ZNF536: variants seen among roughly 807,000 people sequenced by gnomAD.
The protein encoded by ZNF536 is zinc finger protein 536.
Under a neutral mutation model 84.5 loss-of-function variants are expected in ZNF536, and 13 were observed. The ratio of observed to expected loss-of-function variants is 0.15; its 90% confidence interval spans 0.10 to 0.24. The LOEUF (loss-of-function observed/expected upper bound fraction) is 0.24. ZNF536 is among the 10% of genes least tolerant of loss of function. ZNF536 has a pLI of 1.00. For missense variants in ZNF536, 1,536 were observed against 1,747.5 expected, an observed-to-expected ratio of 0.88 and a Z score of 2.16; for synonymous variants, 811 against 742.5, an observed-to-expected ratio of 1.09 and a Z score of -1.50.
intron 2 of ZNF536, among the ~76,000 whole-genome samples, chr19:30,344,516 C>T (rs963196573): frequency 2.0e-5 from 3 of 150,812 alleles, no homozygotes; most frequent in Non-Finnish European, 4.4e-5. Context: ...ATGATGCATC[C>T]GTCACCTTCA....
chr19:30,705,719 C>A (rs1423052276), intron 1 of ZNF536, among the ~76,000 whole-genome samples: 1 of 152,110 alleles, frequency 6.6e-6, no homozygotes, highest in East Asian at 1.9e-4. Context: ...AGATACACTG[C>A]AAGATCAGGA....
chr19:30,572,017 G>T (rs963052579), intron 1 of ZNF536, among the ~76,000 whole-genome samples: 1 of 152,170 alleles, frequency 6.6e-6, no homozygotes, highest in Non-Finnish European at 1.5e-5. Flanking sequence ...TGTGTGGCTT[G>T]TCCCTGCAGC....
At chr19:30,390,164 A>G (rs1308333851) in intron 1 of ZNF536, among the ~76,000 whole-genome samples, 2 of 152,128 alleles carry the variant, frequency 1.3e-5, no homozygotes, top group Non-Finnish European at 2.9e-5. Flanking sequence ...GGTTAGCTGC[A>G]GGGGGGTTAA....
chr19:30,397,769 G>A (rs369879589), intron 1 of ZNF536, among the ~76,000 whole-genome samples: 1 of 152,128 alleles, frequency 6.6e-6, no homozygotes, highest in East Asian at 1.9e-4. Flanking sequence ...TTAGAGCTTG[G>A]ACAAGGGGGT....
chr19:30,410,879 A>G (rs1271343791), intron 1 of ZNF536, among the ~76,000 whole-genome samples: 1 of 152,252 alleles, frequency 6.6e-6, no homozygotes, highest in Non-Finnish European at 1.5e-5. Flanking sequence ...GCACATGCAC[A>G]AATGCATATA....
chr19:30,571,697 C>G (rs904675659), intron 1 of ZNF536, among the ~76,000 whole-genome samples: 2 of 152,164 alleles, frequency 1.3e-5, no homozygotes, highest in African/African-American at 4.8e-5. Context: ...CAACATCCGG[C>G]TTCCTCCCAC....
At chr19:30,553,613 G>A (rs951134845) in intron 4 of ZNF536, among the ~76,000 whole-genome samples, 4 of 152,210 alleles carry the variant, frequency 2.6e-5, no homozygotes, top group African/African-American at 9.6e-5. Flanking sequence ...TTGCCCCAAG[G>A]AGCTCTGCTC....
intron 1 of ZNF536, among the ~76,000 whole-genome samples, chr19:30,677,569 C>T (rs775482444): frequency 2.6e-5 from 4 of 152,218 alleles, no homozygotes; most frequent in Non-Finnish European, 5.9e-5. Flanking sequence ...GCAAAATGTC[C>T]CCCGGGGACA....
chr19:30,351,385 A>T (rs557811143), intron 2 of ZNF536, among the ~76,000 whole-genome samples: 1 of 152,346 alleles, frequency 6.6e-6, no homozygotes, highest in African/African-American at 2.4e-5. Context: ...GTAGTGAATT[A>T]ATAGAGTTAA....
intron 1 of ZNF536, among the ~76,000 whole-genome samples, chr19:30,239,657 G>A (rs754148649): frequency 8.5e-5 from 13 of 152,220 alleles, no homozygotes; most frequent in Non-Finnish European, 1.8e-4. Flanking sequence ...ATGCAATTAA[G>A]TCAAAGGCCT....
At chr19:30,678,001 CT>C (rs1440265153) in intron 1 of ZNF536, among the ~76,000 whole-genome samples, 3 of 152,202 alleles carry the variant, frequency 2.0e-5, no homozygotes, top group African/African-American at 7.2e-5. Flanking sequence ...TTAGAGACTT[CT>C]TCTGGCCACG....
chr19:30,399,165 CA>C (rs2049943904), intron 1 of ZNF536, among the ~76,000 whole-genome samples: 1 of 152,154 alleles, frequency 6.6e-6, no homozygotes, highest in East Asian at 1.9e-4. Flanking sequence ...CTCTGATGAC[CA>C]GTGATGATGA....
intron 3 of ZNF536, among the ~76,000 whole-genome samples, chr19:30,361,250 T>G (rs1303078307): frequency 2.0e-5 from 3 of 152,274 alleles, no homozygotes; most frequent in African/African-American, 7.2e-5. Flanking sequence ...TCTCCCTGTG[T>G]GCCTGGGCGA....
rs538727510 is a variant in ZNF536, at chr19:30,708,451, G to C, written c.170-2306G>C. On this transcript the variant is annotated intron_variant, in intron 1 of 1. Coordinates refer to the ZNF536 transcript ENST00000592773. Reference sequence around the variant, plus strand: ...GAAAGTCCTGATTATTCCTTTGGAGGCCAGTGGCCATGAAAGATCTGGGGC... The same window carrying C: ...GAAAGTCCTGATTATTCCTTTGGAGCCCAGTGGCCATGAAAGATCTGGGGC... Among the ~76,000 whole-genome samples, 9 of 152,354 alleles carry C rather than the reference G, an allele frequency of 5.9e-5. 1 individual carries two copies. In the South Asian group the frequency reaches 1.9e-3, roughly 32 times the overall value.
intron 1 of ZNF536, among the ~76,000 whole-genome samples, chr19:30,387,442 C>T (rs1364031229): frequency 6.6e-6 from 1 of 152,144 alleles, no homozygotes; most frequent in Non-Finnish European, 1.5e-5. Flanking sequence ...CCAGAACCTG[C>T]CCTCCCATGG....
intron 2 of ZNF536, among the ~76,000 whole-genome samples, chr19:30,495,918 C>A (rs1318592009): frequency 6.6e-6 from 1 of 152,190 alleles, no homozygotes; most frequent in Non-Finnish European, 1.5e-5. Flanking sequence ...TGGATCTTAT[C>A]TTTGTCAGGG....
At chr19:30,412,412 G>T (rs1261024783) in intron 1 of ZNF536, among the ~76,000 whole-genome samples, 2 of 116,754 alleles carry the variant, frequency 1.7e-5, no homozygotes, top group Non-Finnish European at 4.5e-5. Context: ...TTGGGATGTT[G>T]TTGATATAAT....
intron 1 of ZNF536, among the ~76,000 whole-genome samples, chr19:30,440,961 C>T (rs1372963799): frequency 1.3e-5 from 2 of 151,988 alleles, no homozygotes; most frequent in African/African-American, 4.8e-5. Flanking sequence ...TAAAAGAATT[C>T]CATACTCAAA....
intron 1 of ZNF536, among the ~76,000 whole-genome samples, chr19:30,578,934 C>G (rs1188404497): frequency 6.6e-6 from 1 of 152,148 alleles, no homozygotes; most frequent in Non-Finnish European, 1.5e-5. Flanking sequence ...GTTTGTGGCC[C>G]AGTTCTACTG....
Sources: allele counts gnomAD v4.1 joint callset (sites outside exome capture counted in the v4.1 genomes callset), GRCh38; gene constraint gnomAD v4.1.1; transcripts MANE v1.5; gene names NCBI Gene and HGNC (gene_info 2026-07-23, HGNC 2026-07-21).